The following MPHOSPH8 variants were observed in gnomAD, a reference collection of about 807,000 sequenced individuals.
MPHOSPH8 encodes the protein M-phase phosphoprotein, mpp.
In MPHOSPH8, 45 loss-of-function variants were observed where a neutral mutation model predicts 87.3. That is an observed-to-expected ratio of 0.52 (90% CI 0.41 to 0.66). The LOEUF (loss-of-function observed/expected upper bound fraction) is 0.66. MPHOSPH8 is among the 30% of genes least tolerant of loss of function. MPHOSPH8 has a pLI of 0.00. For synonymous variants in MPHOSPH8, 366 were observed against 376.9 expected (o/e 0.97, Z 0.33); for missense variants, 883 against 1,020.2 (o/e 0.87, Z 1.83).
chr13:19,649,496 A>C (rs1414910673), intron 4 of MPHOSPH8, among the ~76,000 whole-genome samples: 5 of 152,144 alleles, frequency 3.3e-5, no homozygotes, highest in Non-Finnish European at 1.5e-5. Flanking sequence ...TGTCAGGTCT[A>C]GTACCTGCCA....
chr13:19,666,493 G>A lies in MPHOSPH8; in HGVS notation c.2088G>A (p.Leu696=), dbSNP rs113424406. ...VIECGADCNI[L]SKHQNSALHF... ...AATGTGGAGCTGACTGCAATATTTTGTCAAAGCACCAGAATAGTGCCCTGC... is the reference window on the plus strand; with the variant it reads ...AATGTGGAGCTGACTGCAATATTTTATCAAAGCACCAGAATAGTGCCCTGC... Residue 696 remains leucine (L), a synonymous_variant, in exon 10 of 14, where the codon TTG becomes TTA. Transcript: ENST00000361479. 34 of 1,611,864 alleles carry A rather than the reference G, an allele frequency of 2.1e-5. No homozygotes were observed. In the African/African-American group the frequency reaches 3.1e-4, roughly 15 times the overall value.
chr13:19,652,746 G>A (rs755265470), intron 5 of MPHOSPH8, among the ~76,000 whole-genome samples: 5 of 152,144 alleles, frequency 3.3e-5, no homozygotes, highest in African/African-American at 7.2e-5. Context: ...CTTGGTGGGA[G>A]GAGGGGTGTC....
At chr13:19,636,871 TAA>T (rs2137493723) in intron 1 of MPHOSPH8, among the ~76,000 whole-genome samples, 1 of 152,314 alleles carries the variant, frequency 6.6e-6, no homozygotes, top group South Asian at 2.1e-4. Flanking sequence ...GCTCACTGAT[TAA>T]AGGAAACTTT....
intron 5 of MPHOSPH8, among the ~76,000 whole-genome samples, chr13:19,658,623 G>GCA (rs2137530929): frequency 6.6e-6 from 1 of 152,302 alleles, no homozygotes; most frequent in African/African-American, 2.4e-5. Context: ...ATGGTTGGAA[G>GCA]CAGTGTATGT....
intron 1 of MPHOSPH8, among the ~76,000 whole-genome samples, chr13:19,638,652 T>C (rs1449717347): frequency 1.3e-5 from 2 of 151,964 alleles, no homozygotes; most frequent in Admixed American, 6.6e-5. Flanking sequence ...CTTTTTCTGA[T>C]ATTTCTTGAG....
intron 1 of MPHOSPH8, among the ~76,000 whole-genome samples, chr13:19,634,469 T>TC (rs1035512074): frequency 2.0e-4 from 30 of 152,238 alleles, no homozygotes; most frequent in African/African-American, 6.7e-4. Context: ...CATCCCTCTC[T>TC]CCCCTATGCG....
Position 19,633,781 on chromosome 13 carries a change from C to G in MPHOSPH8, c.33C>G (p.Thr11=). MEQVAEGARV[T]AVPVSAADST... ...AGGTTGCGGAGGGAGCAAGGGTGAC[C>G]GCAGTCCCTGTGTCAGCTGCCGACA... Residue 11 remains threonine, a synonymous_variant, in exon 1 of 14, where the codon ACC becomes ACG. Transcript: ENST00000361479. 1 of 1,605,390 alleles carries G rather than the reference C, an allele frequency of 6.2e-7. No individual in the cohort carries two copies. The highest frequency in any genetic ancestry group is 8.5e-7 in the Non-Finnish European group (1 of 1,176,580).
At chr13:19,669,763 G>A (rs180794946) in intron 11 of MPHOSPH8, among the ~76,000 whole-genome samples, 3 of 152,074 alleles carry the variant, frequency 2.0e-5, no homozygotes, top group Admixed American at 2.0e-4. Context: ...GCCTGCCTCT[G>A]CCTCCCAAAG....
At chr13:19,661,415 A>G (rs543938321) in intron 7 of MPHOSPH8, among the ~76,000 whole-genome samples, 1 of 152,216 alleles carries the variant, frequency 6.6e-6, no homozygotes, top group Non-Finnish European at 1.5e-5. Context: ...TTCCCTTTGT[A>G]AAAAACACAG....
At chr13:19,648,117 T>C (rs535950399) in intron 3 of MPHOSPH8, among the ~76,000 whole-genome samples, 17 of 152,086 alleles carry the variant, frequency 1.1e-4, no homozygotes, top group Middle Eastern at 3.4e-3. Context: ...ATAGTCATGG[T>C]TGGTTAAGAC....
chr13:19,636,488 CTTT>C (rs879558701), intron 1 of MPHOSPH8, among the ~76,000 whole-genome samples: 2 of 144,308 alleles, frequency 1.4e-5, no homozygotes, highest in Admixed American at 6.9e-5. Flanking sequence ...TATTAATTTC[CTTT>C]TTTTTTTTTG....
chr13:19,671,218 G>A lies in MPHOSPH8; in HGVS notation c.2470G>A (p.Val824Ile), dbSNP rs2137548497. 6.2e-7 allele frequency: 1 copy of A among 1,613,600 alleles called. No individual in the cohort carries two copies. Among genetic ancestry groups the A allele is most frequent in the Non-Finnish European group, 8.5e-7 (1 of 1,179,876 alleles). Reference protein sequence around the residue: ...QLPVFLDSHFVYSFSPVAGPN... With the variant: ...QLPVFLDSHFIYSFSPVAGPN... ...CTTTCCATTGTAGGACAGTCATTTT[G>A]TTTACTCATTCAGCCCTGTTGCAGG... The change falls in exon 13 of 14, where the codon GTT (valine) becomes ATT (isoleucine). Residue 824 changes from valine (V) to isoleucine (I), a missense_variant. Coordinates refer to ENST00000361479, the MANE Select transcript of MPHOSPH8 (RefSeq NM_017520.4).
chr13:19,655,190 C>T (rs1875084358), intron 5 of MPHOSPH8, among the ~76,000 whole-genome samples: 1 of 152,132 alleles, frequency 6.6e-6, no homozygotes. Context: ...CCTTTAGCAA[C>T]ATAAGCCAGG....
At position 19,672,012 on chromosome 13, in the gene MPHOSPH8, T is replaced by C; in HGVS notation, c.*137T>C. On this transcript the variant is annotated 3_prime_UTR_variant, in exon 14 of 14. Transcript: ENST00000361479. ...TTGCAGTTAAGCCTGTTGTCTGTTGTAGTCTGTAAGATGCGACATAGCTGT... is the reference window on the plus strand; with the variant it reads ...TTGCAGTTAAGCCTGTTGTCTGTTGCAGTCTGTAAGATGCGACATAGCTGT... The C allele has an allele frequency of 1.2e-6, 1 of 843,586 alleles. No individual in the cohort carries two copies. Among genetic ancestry groups the C allele is most frequent in the South Asian group, 1.5e-5 (1 of 64,812 alleles). 52.3% of individuals were successfully genotyped at this position (843,586 alleles called of 1,614,324 possible).
Position 19,650,125 on chromosome 13 carries a change from C to G in MPHOSPH8, c.1441C>G (p.His481Asp). Residue 481 changes from histidine (H) to aspartate (D), a missense_variant, in exon 5 of 14, where the codon CAC becomes GAC. Coordinates refer to ENST00000361479, the MANE Select transcript of MPHOSPH8 (RefSeq NM_017520.4). ...ACTGGATTTTAAAACCATAGACGAT[C>G]ACAAAACCAAGGAAAACAAACAGTC... is the stretch of plus-strand genomic sequence containing the variant. ...IPLDFKTIDD[H>D]KTKENKQSLK... The G allele has an allele frequency of 6.2e-7, 1 of 1,614,022 alleles. No homozygotes were observed. The highest frequency in any genetic ancestry group is 8.5e-7 in the Non-Finnish European group (1 of 1,179,972).
In MPHOSPH8 at chr13:19,650,160, A is replaced by G; in HGVS notation, c.1476A>G (p.Glu492=). ...KTKENKQSLK[E]RRNTRDETDT... is the part of the protein sequence containing the mutation. Reference sequence around the variant, plus strand: ...AGGAAAACAAACAGTCACTTAAAGAAAGGAGAAACACCAGAGACGAAACGG... The same window carrying G: ...AGGAAAACAAACAGTCACTTAAAGAGAGGAGAAACACCAGAGACGAAACGG... Residue 492 remains glutamate (E), a synonymous_variant, in exon 5 of 14, where the codon GAA becomes GAG. Coordinates refer to ENST00000361479, the MANE Select transcript of MPHOSPH8 (RefSeq NM_017520.4). 1 of 1,614,202 alleles carries G rather than the reference A, an allele frequency of 6.2e-7. No individual in the cohort carries two copies. The highest frequency in any genetic ancestry group is 8.5e-7 in the Non-Finnish European group (1 of 1,180,034).
intron 12 of MPHOSPH8, chr13:19,670,937 A>G (rs78034565): frequency 2.2e-5 from 21 of 974,634 alleles, no homozygotes; most frequent in Admixed American, 1.4e-4. Context: ...CTCCCACCTC[A>G]GCCTCCTAAC....
intron 8 of MPHOSPH8, among the ~76,000 whole-genome samples, chr13:19,662,776 T>A (rs1875613354): frequency 6.6e-6 from 1 of 152,272 alleles, no homozygotes; most frequent in Admixed American, 6.5e-5. Flanking sequence ...CCATATATTA[T>A]CTTTTTAAAG....
At chr13:19,634,299 C>T (rs1022493380) in intron 1 of MPHOSPH8, among the ~76,000 whole-genome samples, 55 of 152,200 alleles carry the variant, frequency 3.6e-4, no homozygotes, top group African/African-American at 1.3e-3. Flanking sequence ...AGTAATGCTT[C>T]TCGTCGTAGT....
Sources: allele counts gnomAD v4.1 joint callset (sites outside exome capture counted in the v4.1 genomes callset), GRCh38; gene constraint gnomAD v4.1.1; transcripts MANE v1.5; gene names NCBI Gene and HGNC (gene_info 2026-07-23, HGNC 2026-07-21).